Variants in RALGAPA2 observed in about 807,000 individuals in gnomAD.
RALGAPA2 encodes Ral GTPase activating protein catalytic subunit alpha 2.
Under a neutral mutation model 230.4 loss-of-function variants are expected in RALGAPA2, and 139 were observed. The observed-to-expected ratio is 0.60, with a 90% CI of 0.53 to 0.69. RALGAPA2 has a LOEUF of 0.69. RALGAPA2 is among the 30% of genes least tolerant of loss of function. The pLI, the probability that RALGAPA2 is intolerant of heterozygous loss-of-function variation, is 0.00. For missense variants in RALGAPA2, 2,163 were observed against 2,276.0 expected (o/e 0.95, Z 1.01); for synonymous variants, 847 against 837.8 (o/e 1.01, Z -0.19).
chr20:20,579,246 A>T (rs2064912407), intron 20 of RALGAPA2, among the ~76,000 whole-genome samples: 1 of 152,226 alleles, frequency 6.6e-6, no homozygotes, highest in Non-Finnish European at 1.5e-5. Context: ...TCAGCTATAT[A>T]AAACAACAGC....
At chr20:20,446,010 A>G (rs1195061833) in intron 37 of RALGAPA2, among the ~76,000 whole-genome samples, 2 of 152,070 alleles carry the variant, frequency 1.3e-5, no homozygotes, top group African/African-American at 2.4e-5. Flanking sequence ...TCTTAGAGCT[A>G]AAGTATCATC....
intron 3 of RALGAPA2, among the ~76,000 whole-genome samples, chr20:20,675,515 C>G (rs1450022126): frequency 6.6e-6 from 1 of 152,266 alleles, no homozygotes; most frequent in East Asian, 1.9e-4. Flanking sequence ...TCTCAAACCA[C>G]AAATAATTTC....
In RALGAPA2 at chr20:20,458,855, C is replaced by T. The variant is rs1298449155; in HGVS notation, c.5495+13974G>A. Among the ~76,000 whole-genome samples the T allele has an allele frequency of 3.6e-5, 4 of 111,550 alleles. No homozygotes were observed. The East Asian group carries it at 1.0e-3, about 28-fold the overall frequency. 73.2% of individuals were successfully genotyped at this position (111,550 alleles called of 152,430 possible). A position where few individuals can be genotyped will look rare whatever the true frequency, so the allele number is the denominator to read the frequency against. ...ATATATAGACCTATATATATATAGA[C>T]CTATATATATATATATATATACACA... On this transcript the variant is annotated intron_variant, in intron 37 of 39. Transcript: ENST00000202677.
intron 37 of RALGAPA2, among the ~76,000 whole-genome samples, chr20:20,458,468 TA>T (rs2061180596): frequency 7.4e-6 from 1 of 135,290 alleles, no homozygotes; most frequent in Non-Finnish European, 1.5e-5. Flanking sequence ...GTATTTTATA[TA>T]ATATATAATA....
At chr20:20,709,592 C>G (rs1283814548) in intron 1 of RALGAPA2, among the ~76,000 whole-genome samples, 1 of 152,154 alleles carries the variant, frequency 6.6e-6, no homozygotes, top group Non-Finnish European at 1.5e-5. Flanking sequence ...GTCACAGGAC[C>G]TAACAGCTCT....
At chr20:20,472,268 T>C (rs1394506702) in intron 37 of RALGAPA2, 2 of 152,222 alleles carry the variant, frequency 1.3e-5, no homozygotes, top group Non-Finnish European at 2.9e-5. Flanking sequence ...TTTCTAGCTA[T>C]TCCTATTGAT....
intron 3 of RALGAPA2, among the ~76,000 whole-genome samples, chr20:20,665,246 T>C (rs2067922422): frequency 6.6e-6 from 1 of 152,258 alleles, no homozygotes; most frequent in South Asian, 2.1e-4. Flanking sequence ...ATGCAGTTTC[T>C]ACCATCTGCC....
intron 24 of RALGAPA2, 46 bp from the exon 25 acceptor site, chr20:20,536,830 T>G: frequency 6.4e-7 from 1 of 1,573,466 alleles, no homozygotes; most frequent in East Asian, 2.3e-5. Context: ...TTTTGTAAGT[T>G]AGAAACGTTA....
At chr20:20,696,524 C>G (rs1180726646) in intron 1 of RALGAPA2, among the ~76,000 whole-genome samples, 1 of 152,122 alleles carries the variant, frequency 6.6e-6, no homozygotes, top group Non-Finnish European at 1.5e-5. Flanking sequence ...CCCATCTTAT[C>G]TTACTTAGAG....
chr20:20,421,026 A>AAGT (rs2060265252), intron 37 of RALGAPA2, among the ~76,000 whole-genome samples: 1 of 152,246 alleles, frequency 6.6e-6, no homozygotes, highest in African/African-American at 2.4e-5. Context: ...GGCAACACAC[A>AAGT]GAATAGGAGA....
chr20:20,615,055 G>A (rs1603069266), intron 13 of RALGAPA2, among the ~76,000 whole-genome samples: 1 of 152,132 alleles, frequency 6.6e-6, no homozygotes, highest in East Asian at 1.9e-4. Context: ...GAAGTGAGAG[G>A]CTGATGACAC....
chr20:20,546,226 T>A (rs1379870941), intron 24 of RALGAPA2, among the ~76,000 whole-genome samples: 1 of 152,242 alleles, frequency 6.6e-6, no homozygotes, highest in Non-Finnish European at 1.5e-5. Flanking sequence ...TATTCTGGCA[T>A]GTTATTAAGA....
chr20:20,488,312 A>C (rs1275318288), intron 36 of RALGAPA2, among the ~76,000 whole-genome samples: 1 of 152,236 alleles, frequency 6.6e-6, no homozygotes, highest in African/African-American at 2.4e-5. Flanking sequence ...TCCTAGAGGT[A>C]GAACTCACAA....
chr20:20,399,409 A>G (rs2059786739), intron 38 of RALGAPA2, among the ~76,000 whole-genome samples: 1 of 151,108 alleles, frequency 6.6e-6, no homozygotes, highest in African/African-American at 2.4e-5. Context: ...ATTTGAAGTC[A>G]TTTTTACCTA....
chr20:20,653,774 CT>C (rs1286426374), intron 3 of RALGAPA2, among the ~76,000 whole-genome samples, 187 bp from the exon 4 acceptor site: 1 of 152,148 alleles, frequency 6.6e-6, no homozygotes, highest in African/African-American at 2.4e-5. Context: ...GGCAAGCTTT[CT>C]TACCTGAATG....
At chr20:20,495,978 G>A (rs779623048) in intron 35 of RALGAPA2, among the ~76,000 whole-genome samples, 3 of 152,094 alleles carry the variant, frequency 2.0e-5, no homozygotes, top group Non-Finnish European at 4.4e-5. Flanking sequence ...AGAAATGGGC[G>A]CTCAGGAAGG....
At chr20:20,519,435 C>T (rs376280457) in intron 31 of RALGAPA2, among the ~76,000 whole-genome samples, 8 of 152,326 alleles carry the variant, frequency 5.3e-5, no homozygotes, top group East Asian at 3.9e-4. Context: ...CCTGCTGTGT[C>T]CTTCCTCCTT....
At chr20:20,610,892 T>G (rs976231999) in intron 14 of RALGAPA2, among the ~76,000 whole-genome samples, 11 of 152,142 alleles carry the variant, frequency 7.2e-5, no homozygotes, top group African/African-American at 2.7e-4. Flanking sequence ...CTGGCCACCC[T>G]TTCTCAGCAT....
At chr20:20,550,932 T>G (rs983694400) in intron 23 of RALGAPA2, among the ~76,000 whole-genome samples, 9 of 152,228 alleles carry the variant, frequency 5.9e-5, no homozygotes, top group Admixed American at 3.3e-4. Context: ...TGAACTATTA[T>G]TTTGCTGATC....
Sources: gnomAD v4.1 joint callset for allele counts (sites outside exome capture counted in the v4.1 genomes callset) on GRCh38, gnomAD v4.1.1 for gene constraint, MANE v1.5 for transcripts, NCBI Gene and HGNC (gene_info 2026-07-23, HGNC 2026-07-21) for gene names.